Variants in MEGF6 observed in about 807,000 individuals in gnomAD.
MEGF6 encodes multiple epidermal growth factor-like domains protein 6.
MEGF6 carries 184 observed loss-of-function variants against 207.1 expected under a neutral mutation model. The observed-to-expected ratio is 0.89, with a 90% CI of 0.79 to 1.00. The LOEUF (loss-of-function observed/expected upper bound fraction) is 1.00, where lower values mean the gene tolerates loss of function less well. MEGF6 is among the 50% of genes least tolerant of loss of function. The pLI, the probability that MEGF6 is intolerant of heterozygous loss-of-function variation, is 0.00. For missense variants in MEGF6, 2,282 were observed against 2,202.9 expected, an observed-to-expected ratio of 1.04 and a Z score of -0.72; for synonymous variants, 1,038 against 910.0, an observed-to-expected ratio of 1.14 and a Z score of -2.53.
rs373079733 is a variant in MEGF6, at chr1:3,608,075, G to A, written c.131+3063C>T. 2.9e-3 allele frequency among the ~76,000 whole-genome samples: 445 copies of A among 152,276 alleles called. 1 individual carries two copies. The highest frequency in any genetic ancestry group is 0.01 in the African/African-American group (434 of 41,558). The stretch of plus-strand genomic sequence containing the variant: ...CTCAGGACAGCGGCCCTGGAGGGCG[G>A]GGCTCGCTCAGGCCAACGGCCTCGC... On this transcript the variant is annotated intron_variant, in intron 1 of 36. Coordinates refer to ENST00000356575, the MANE Select transcript of MEGF6 (RefSeq NM_001409.4).
In MEGF6 at chr1:3,513,750, T is replaced by A. The variant is rs573963914; in HGVS notation, c.853+800A>T. On this transcript the variant is annotated intron_variant, in intron 7 of 36. Transcript: ENST00000356575. Reference sequence around the variant, plus strand: ...GGACTCCAGACAGCACCACCACACCTGGCTAATTAAAAAAAAAATTGTTTA... The same window carrying A: ...GGACTCCAGACAGCACCACCACACCAGGCTAATTAAAAAAAAAATTGTTTA... Among the ~76,000 whole-genome samples the A allele has an allele frequency of 1.2e-4, 18 of 151,238 alleles. No homozygotes were observed. The East Asian group carries it at 3.5e-3, about 30-fold the overall frequency.
chr1:3,616,389 C>A (rs1417168301), upstream of MEGF6, among the ~76,000 whole-genome samples: 1 of 152,210 alleles, frequency 6.6e-6, no homozygotes, highest in African/African-American at 2.4e-5. Context: ...GTGCCCGCAG[C>A]AGTCCTCACG....
chr1:3,615,126 G>A (rs775343469), upstream of MEGF6, among the ~76,000 whole-genome samples: 32 of 152,344 alleles, frequency 2.1e-4, no homozygotes, highest in Non-Finnish European at 4.0e-4. Context: ...GAATTTTGGA[G>A]TCACTTTGCC....
At chr1:3,498,318 C>T (rs562689988) in intron 26 of MEGF6, 53 bp downstream of exon 26, 18 of 1,561,148 alleles carry the variant, frequency 1.2e-5, no homozygotes, top group Middle Eastern at 4.2e-4. Context: ...AAGGCTGATG[C>T]CACCCCTTCC....
intron 4 of MEGF6, among the ~76,000 whole-genome samples, chr1:3,526,719 A>G (rs902436680): frequency 1.4e-4 from 21 of 152,072 alleles, no homozygotes; most frequent in African/African-American, 5.1e-4. Context: ...CTTTTATCCG[A>G]CAACCTCACC....
intron 4 of MEGF6, among the ~76,000 whole-genome samples, chr1:3,561,099 A>G (rs948947389): frequency 6.6e-6 from 1 of 152,306 alleles, no homozygotes; most frequent in African/African-American, 2.4e-5. Context: ...ACCCGCTGGC[A>G]GGAGAGACGG....
chr1:3,600,938 A>G (rs753566704), intron 2 of MEGF6, among the ~76,000 whole-genome samples: 1 of 152,160 alleles, frequency 6.6e-6, no homozygotes, highest in African/African-American at 2.4e-5. Flanking sequence ...CAGGACCTTG[A>G]GGCAGAATGG....
chr1:3,544,514 G>A (rs1310614910), intron 4 of MEGF6, among the ~76,000 whole-genome samples: 6 of 152,180 alleles, frequency 3.9e-5, no homozygotes, highest in South Asian at 4.1e-4. Context: ...GCAGCATCCT[G>A]GGTCACCTCA....
chr1:3,506,832 G>A (rs1344123303), intron 14 of MEGF6, among the ~76,000 whole-genome samples: 1 of 152,208 alleles, frequency 6.6e-6, no homozygotes, highest in East Asian at 1.9e-4. Flanking sequence ...GCTTGCCATA[G>A]TAGCCCTACA....
chr1:3,504,025 C>A (rs1452728619), intron 17 of MEGF6, among the ~76,000 whole-genome samples: 1 of 151,936 alleles, frequency 6.6e-6, no homozygotes, highest in Non-Finnish European at 1.5e-5. Context: ...CTGCGGACCC[C>A]TTCTCATTCC....
Position 3,496,924 on chromosome 1 carries a change from G to T in MEGF6, c.3613+64C>A, listed in dbSNP as rs543793601. ...ATGAGGGCCTTCCCGGGGACCAGGG[G>T]AACTGGGGCCCAGCACGCCAGGCAG... is the stretch of plus-strand genomic sequence containing the variant. On this transcript the variant is annotated intron_variant, in intron 28 of 36. Coordinates refer to ENST00000356575, the MANE Select transcript of MEGF6 (RefSeq NM_001409.4). 5.4e-5 allele frequency: 83 copies of T among 1,531,970 alleles called. No homozygotes were observed. The African/African-American group carries it at 1.0e-3, about 19-fold the overall frequency. 94.9% of individuals were successfully genotyped at this position (1,531,970 alleles called of 1,614,324 possible). A position where few individuals can be genotyped will look rare whatever the true frequency, so the allele number is the denominator to read the frequency against.
intron 4 of MEGF6, among the ~76,000 whole-genome samples, chr1:3,553,726 A>G (rs1642955262): frequency 6.6e-6 from 1 of 152,138 alleles, no homozygotes; most frequent in South Asian, 2.1e-4. Context: ...GGAGTCCACC[A>G]CGAGTGGCTC....
chr1:3,605,665 AACTCACAC>A (rs1557430673), intron 1 of MEGF6, among the ~76,000 whole-genome samples: 2 of 150,854 alleles, frequency 1.3e-5, no homozygotes, highest in Non-Finnish European at 3.0e-5. Flanking sequence ...CAAGCTCACA[AACTCACAC>A]ACACTCGCAC....
rs1643046351 is a variant in MEGF6 at position 3,556,829 on chromosome 1, C to T, written c.481+22996G>A. The stretch of plus-strand genomic sequence containing the variant: ...CTCACAGACCGGAGAATGTTAAAAA[C>T]TGCCGAGCCTGCCGGGTGAGGATGG... On this transcript the variant is annotated intron_variant, in intron 4 of 36. Coordinates refer to ENST00000356575, the MANE Select transcript of MEGF6 (RefSeq NM_001409.4). This position sits in a 1 kb window ranked among gnomAD's most constrained non-coding sequence, Gnocchi z 4.4. 6.6e-6 allele frequency among the ~76,000 whole-genome samples: 1 copy of T among 152,208 alleles called. No homozygotes were observed. The highest frequency in any genetic ancestry group is 2.4e-5 in the African/African-American group (1 of 41,450).
intron 4 of MEGF6, among the ~76,000 whole-genome samples, chr1:3,543,328 C>T (rs564704565): frequency 6.6e-6 from 1 of 152,264 alleles, no homozygotes; most frequent in Non-Finnish European, 1.5e-5. Flanking sequence ...CCAAGCAACG[C>T]GGCCCTTCCC....
the MEGF6 span, among the ~76,000 whole-genome samples, chr1:3,624,020 T>A: frequency 6.6e-6 from 1 of 152,178 alleles, no homozygotes; most frequent in Non-Finnish European, 1.5e-5. Flanking sequence ...AAACCGTCCA[T>A]CTTTACAAAT....
chr1:3,514,706 G>C, intron 6 of MEGF6, 34 bp from the exon 7 acceptor site: 1 of 1,538,532 alleles, frequency 6.5e-7, no homozygotes, highest in Non-Finnish European at 8.8e-7. Flanking sequence ...GGGTTGGGGA[G>C]AGGGGACCCC....
At position 3,500,591 on chromosome 1, in the gene MEGF6, G is replaced by A. The variant is rs746866032; in HGVS notation, c.2707+42C>T. On this transcript the variant is annotated intron_variant, in intron 21 of 36. Coordinates refer to ENST00000356575, the MANE Select transcript of MEGF6 (RefSeq NM_001409.4). Reference sequence around the variant, plus strand: ...CACGTGTGCATATGTGTGCGTGTGCGCACTCAGGAGGGTGGCAGCCAAAGG... The same window carrying A: ...CACGTGTGCATATGTGTGCGTGTGCACACTCAGGAGGGTGGCAGCCAAAGG... 51 of 1,528,498 alleles carry A rather than the reference G, an allele frequency of 3.3e-5. No individual in the cohort carries two copies. The Admixed American group carries it at 7.0e-4, about 21-fold the overall frequency. 94.7% of individuals were successfully genotyped at this position (1,528,498 alleles called of 1,614,324 possible). A position where few individuals can be genotyped will look rare whatever the true frequency, so the allele number is the denominator to read the frequency against.
At chr1:3,564,856 A>G (rs1643302021) in intron 4 of MEGF6, among the ~76,000 whole-genome samples, 1 of 152,006 alleles carries the variant, frequency 6.6e-6, no homozygotes, top group Admixed American at 6.6e-5. Context: ...CCCTCCTGTG[A>G]GGCCCCGCCA....
Sources: allele counts gnomAD v4.1 joint callset (sites outside exome capture counted in the v4.1 genomes callset), GRCh38; gene constraint gnomAD v4.1.1; non-coding constraint Gnocchi (gnomAD v3.1); transcripts MANE v1.5; gene names NCBI Gene and HGNC (gene_info 2026-07-23, HGNC 2026-07-21).